Variants in ADAM23 observed in about 807,000 individuals in gnomAD.
The protein encoded by ADAM23 is ADAM metallopeptidase domain 23, also known as disintegrin and metalloproteinase domain-containing protein 23.
A neutral mutation model predicts 120.1 loss-of-function variants in ADAM23; 33 were observed. That is an observed-to-expected ratio of 0.27 (90% confidence interval 0.21 to 0.37). ADAM23 has a LOEUF of 0.37. Ranked by LOEUF, ADAM23 falls within the 10% of genes least tolerant of loss-of-function variation. ADAM23 has a pLI of 1.00. For synonymous variants in ADAM23, 367 were observed against 375.2 expected, an observed-to-expected ratio of 0.98 and a Z score of 0.25; for missense variants, 862 against 1,058.2, an observed-to-expected ratio of 0.81 and a Z score of 2.57.
intron 2 of ADAM23, among the ~76,000 whole-genome samples, chr2:206,479,626 A>T (rs1695853163): frequency 6.6e-6 from 1 of 152,166 alleles, no homozygotes; most frequent in African/African-American, 2.4e-5. Context: ...ATTTGTATTG[A>T]ATAGAGGTTC....
rs1161670317 is a variant in ADAM23 at position 206,617,887 on chromosome 2, C to CT, written c.*268dup. The stretch of plus-strand genomic sequence containing the variant: ...GCTATAAAAAGAACTGTTCCAGAAT[C>CT]TTTTTTTTCCCTAATGGACGAAGGA... On this transcript the variant is annotated 3_prime_UTR_variant, in exon 26 of 26. Transcript: ENST00000264377. 6.5e-5 allele frequency: 34 copies of CT among 525,524 alleles called. 1 individual carries two copies. The highest frequency in any genetic ancestry group is 9.0e-5 in the Admixed American group (2 of 22,344). 32.6% of individuals were successfully genotyped at this position (525,524 alleles called of 1,614,324 possible).
chr2:206,547,793 A>C (rs1395670147), intron 7 of ADAM23, among the ~76,000 whole-genome samples: 1 of 152,216 alleles, frequency 6.6e-6, no homozygotes, highest in Non-Finnish European at 1.5e-5. Flanking sequence ...TCTTCCTGGC[A>C]GTTTGCTGCT....
chr2:206,505,247 C>G (rs188883319), intron 3 of ADAM23, among the ~76,000 whole-genome samples: 2 of 152,290 alleles, frequency 1.3e-5, no homozygotes, highest in African/African-American at 4.8e-5. Flanking sequence ...GGAATCCAGG[C>G]AAAATAACAC....
rs115750215 is a variant in ADAM23 at position 206,511,459 on chromosome 2, G to A, written c.510-19426G>A. ...GGGGAGGAGAGCCAGTGGGGACAGG[G>A]AGGGAAGAGTGAGCCAGGGTTCCAC... On this transcript the variant is annotated intron_variant, in intron 3 of 25. Coordinates refer to ENST00000264377, the MANE Select transcript of ADAM23 (RefSeq NM_003812.4). Among the ~76,000 whole-genome samples, 276 of 152,292 alleles carry A rather than the reference G, an allele frequency of 1.8e-3. 1 individual carries two copies. Among genetic ancestry groups the A allele is most frequent in the African/African-American group, 6.4e-3 (268 of 41,562 alleles).
intron 3 of ADAM23, among the ~76,000 whole-genome samples, chr2:206,493,280 G>C (rs1053420231): frequency 6.6e-6 from 1 of 152,092 alleles, no homozygotes; most frequent in Non-Finnish European, 1.5e-5. Flanking sequence ...TCTTTAACAA[G>C]TTTGTTCTAA....
intron 2 of ADAM23, among the ~76,000 whole-genome samples, chr2:206,454,100 AT>A (rs1268562169): frequency 6.6e-6 from 1 of 152,234 alleles, no homozygotes; most frequent in Non-Finnish European, 1.5e-5. Context: ...GAACCTTTGT[AT>A]TAGTCCATTC....
chr2:206,447,592 A>G (rs540683579), intron 2 of ADAM23, among the ~76,000 whole-genome samples: 1 of 152,298 alleles, frequency 6.6e-6, no homozygotes, highest in East Asian at 1.9e-4. Flanking sequence ...TAGTTGATAA[A>G]AAGTGTTCCA....
intron 8 of ADAM23, 134 bp downstream of exon 8, chr2:206,548,488 CA>C (rs957009430): frequency 2.2e-5 from 17 of 774,126 alleles, no homozygotes; most frequent in Non-Finnish European, 3.4e-5. Flanking sequence ...AAACAATAAA[CA>C]AAAAACCCTA....
At chr2:206,495,535 A>T (rs533193562) in intron 3 of ADAM23, among the ~76,000 whole-genome samples, 2 of 152,228 alleles carry the variant, frequency 1.3e-5, no homozygotes, top group African/African-American at 4.8e-5. Flanking sequence ...GGTACCAGCC[A>T]CTGCAAAAAC....
chr2:206,484,026 T>A (rs1409485014), intron 3 of ADAM23, among the ~76,000 whole-genome samples: 5 of 150,596 alleles, frequency 3.3e-5, no homozygotes, highest in Non-Finnish European at 5.9e-5. Context: ...CTGATAAGAG[T>A]GGGAGGTTGA....
At chr2:206,570,872 G>A in intron 16 of ADAM23, 61 bp downstream of exon 16, 8 of 1,431,562 alleles carry the variant, frequency 5.6e-6, no homozygotes, top group Non-Finnish European at 7.9e-6. Flanking sequence ...AACAGGTATA[G>A]CATTTGTGAG....
chr2:206,444,055 C>T lies in ADAM23; in HGVS notation c.189C>T (p.Arg63=). 2.2e-6 allele frequency: 3 copies of T among 1,395,034 alleles called. No individual in the cohort carries two copies. Among genetic ancestry groups the T allele is most frequent in the South Asian group, 1.6e-5 (1 of 63,342 alleles). 86.4% of individuals were successfully genotyped at this position (1,395,034 alleles called of 1,614,324 possible). ...LPPLAASSRP[R]AWGAAAPSAP... Reference sequence around the variant, plus strand: ...CGCTCGCCGCCTCGTCCCGGCCCCGCGCCTGGGGGGCTGCTGCGCCCAGCG... The same window carrying T: ...CGCTCGCCGCCTCGTCCCGGCCCCGTGCCTGGGGGGCTGCTGCGCCCAGCG... The change falls in exon 1 of 26, where the codon CGC becomes CGT. Residue 63 remains arginine (R), a synonymous_variant. Coordinates refer to ENST00000264377, the MANE Select transcript of ADAM23 (RefSeq NM_003812.4).
At position 206,443,984 on chromosome 2, in the gene ADAM23, C is replaced by T. The variant is rs1188416150; in HGVS notation, c.118C>T (p.Arg40Cys). ...CTCGGTGCCTGCCAGCGCCCCGGCC[C>T]GCACGCCGCCCTGCCGCCTGCTTCT... Reference protein sequence around the residue: ...AGSVPASAPARTPPCRLLLVL... With the variant: ...AGSVPASAPACTPPCRLLLVL... Residue 40 changes from arginine to cysteine, a missense_variant, in exon 1 of 26, where the codon CGC (arginine) becomes TGC (cysteine). By Grantham distance (180) the Arg-to-Cys change is radical. Transcript: ENST00000264377. 2 of 1,379,330 alleles carry T rather than the reference C, an allele frequency of 1.4e-6. No homozygotes were observed. The highest frequency in any genetic ancestry group is 5.4e-5 in the Admixed American group (2 of 37,266). The allele number at this position is 1,379,330 out of a possible 1,614,324, so 85.4% of individuals were successfully genotyped here. A position where few individuals can be genotyped will look rare whatever the true frequency, so the allele number is the denominator to read the frequency against.
chr2:206,548,233 C>A, intron 7 of ADAM23, 48 bp from the exon 8 acceptor site: 1 of 1,519,136 alleles, frequency 6.6e-7, no homozygotes, highest in South Asian at 1.1e-5. Context: ...AAACATACTC[C>A]CATTGAAATA....
intron 3 of ADAM23, among the ~76,000 whole-genome samples, chr2:206,525,480 C>G (rs1696924844): frequency 6.6e-6 from 1 of 152,188 alleles, no homozygotes; most frequent in African/African-American, 2.4e-5. Flanking sequence ...GCCCAAGGCC[C>G]AGTTAGCCAC....
intron 9 of ADAM23, among the ~76,000 whole-genome samples, chr2:206,555,405 G>A (rs1014758669): frequency 5.3e-5 from 8 of 151,988 alleles, no homozygotes; most frequent in African/African-American, 1.7e-4. Flanking sequence ...CTCTACCCTC[G>A]TAGTGGTACT....
intron 21 of ADAM23, 70 bp from the exon 22 acceptor site, chr2:206,592,546 AC>A: frequency 6.4e-7 from 1 of 1,557,454 alleles, no homozygotes; most frequent in Non-Finnish European, 8.7e-7. Context: ...ATCAATGTGG[AC>A]CGAATCGTTT....
At chr2:206,572,075 C>G (rs905695984) in intron 17 of ADAM23, among the ~76,000 whole-genome samples, 1 of 152,168 alleles carries the variant, frequency 6.6e-6, no homozygotes. Flanking sequence ...AAGAGTTGCC[C>G]TACTAACATA....
chr2:206,464,641 G>C (rs1224522704), intron 2 of ADAM23, among the ~76,000 whole-genome samples: 1 of 151,036 alleles, frequency 6.6e-6, no homozygotes, highest in African/African-American at 2.4e-5. Context: ...AACACATCTA[G>C]AGGAAGCTAT....
Sources: allele counts gnomAD v4.1 joint callset (sites outside exome capture counted in the v4.1 genomes callset), GRCh38; gene constraint gnomAD v4.1.1; transcripts MANE v1.5; gene names NCBI Gene and HGNC (gene_info 2026-07-23, HGNC 2026-07-21).